TG: variants seen among roughly 807,000 people sequenced by gnomAD.
TG encodes the protein thyroid hormones.
In TG, 270 loss-of-function variants were observed where a neutral mutation model predicts 324.7. The observed-to-expected ratio is 0.83, with a 90% CI of 0.75 to 0.92. TG has a LOEUF of 0.92. Ranked by LOEUF, TG falls within the 40% of genes least tolerant of loss-of-function variation. The pLI, the probability that TG is intolerant of heterozygous loss-of-function variation, is 0.00. For synonymous variants in TG, 1,401 were observed against 1,327.0 expected (o/e 1.06, Z -1.21); for missense variants, 3,591 against 3,456.4 (o/e 1.04, Z -0.98).
intron 31 of TG, 28 bp downstream of exon 31, chr8:132,967,998 C>T (rs1429928703): frequency 6.2e-7 from 1 of 1,610,760 alleles, no homozygotes; most frequent in Non-Finnish European, 8.5e-7. Flanking sequence ...TCTGCATAAA[C>T]TGTATTTCCA....
chr8:133,039,164 C>G (rs1402314690), intron 41 of TG, among the ~76,000 whole-genome samples: 1 of 152,218 alleles, frequency 6.6e-6, no homozygotes, highest in Admixed American at 6.5e-5. Context: ...CAGGCGTGAG[C>G]CACCGCGCCT....
At chr8:132,968,197 C>A (rs2130475603) in intron 31 of TG, among the ~76,000 whole-genome samples, 1 of 152,164 alleles carries the variant, frequency 6.6e-6, no homozygotes, top group Middle Eastern at 3.4e-3. Flanking sequence ...TATTTGGGGG[C>A]AGTATTTCAA....
intron 7 of TG, 38 bp from the exon 8 acceptor site, chr8:132,882,776 G>C (rs1563902688): frequency 1.2e-6 from 2 of 1,613,822 alleles, no homozygotes. Flanking sequence ...ACCAAGCATT[G>C]TTGACACTGT....
intron 29 of TG, among the ~76,000 whole-genome samples, chr8:132,966,333 T>C (rs968252928): frequency 2.0e-5 from 3 of 152,172 alleles, no homozygotes; most frequent in Admixed American, 6.5e-5. Flanking sequence ...TTTTTAGGAC[T>C]TCCTGGGGCC....
At position 132,898,261 on chromosome 8, in the gene TG, C is replaced by T; in HGVS notation, c.3217+15C>T. The T allele has an allele frequency of 6.3e-7, 1 of 1,578,542 alleles. No homozygotes were observed. The highest frequency in any genetic ancestry group is 1.8e-5 in the Admixed American group (1 of 55,360). ...GATTCCACAGTGTAAGTGAAGACTG[C>T]AGAGTTCTCCTCCTGACCCCCCTTG... is the stretch of plus-strand genomic sequence containing the variant. On this transcript the variant is annotated intron_variant, in intron 13 of 47. Coordinates refer to ENST00000220616, the MANE Select transcript of TG (RefSeq NM_003235.5).
At chr8:133,062,714 C>A (rs573398200) in intron 41 of TG, among the ~76,000 whole-genome samples, 1 of 152,012 alleles carries the variant, frequency 6.6e-6, no homozygotes, top group Non-Finnish European at 1.5e-5. Flanking sequence ...CACAGGGTGT[C>A]GTACACAGGC....
At chr8:133,071,464 CTT>C (rs1844018907) in intron 41 of TG, among the ~76,000 whole-genome samples, 1 of 152,260 alleles carries the variant, frequency 6.6e-6, no homozygotes, top group Non-Finnish European at 1.5e-5. Context: ...TTATGGTACT[CTT>C]TTGTGTGCTA....
At chr8:132,978,744 G>A (rs1564030217) in intron 34 of TG, among the ~76,000 whole-genome samples, 1 of 152,192 alleles carries the variant, frequency 6.6e-6, no homozygotes, top group African/African-American at 2.4e-5. Context: ...AGGTAGAGAG[G>A]AGGTAGCATG....
intron 26 of TG, among the ~76,000 whole-genome samples, chr8:132,947,754 C>T (rs1293771456): frequency 1.3e-5 from 2 of 151,992 alleles, no homozygotes; most frequent in Admixed American, 1.3e-4. Flanking sequence ...AATTAACTTA[C>T]ATGAGACTCA....
Position 133,105,734 on chromosome 8 carries a change from TG to T in TG, c.7573-7685del, listed in dbSNP as rs550777303. Among the ~76,000 whole-genome samples, 109 of 152,032 alleles carry T rather than the reference TG, an allele frequency of 7.2e-4. 1 individual carries two copies. Among genetic ancestry groups the T allele is most frequent in the South Asian group, 3.3e-3 (16 of 4,804 alleles). The stretch of plus-strand genomic sequence containing the variant: ...ACCCCACAAGCATTCGTGGACAGAA[TG>T]GGAGGAAAAGGGGACAGGGTGGCAG... On this transcript the variant is annotated intron_variant, in intron 43 of 47. Coordinates refer to ENST00000220616, the MANE Select transcript of TG (RefSeq NM_003235.5).
chr8:132,966,621 A>ATCACTATCC lies in TG; in HGVS notation c.5611_5619dup (p.Leu1872_Ser1874dup). 3 of 1,614,086 alleles carry ATCACTATCC rather than the reference A, an allele frequency of 1.9e-6. No individual in the cohort carries two copies. The South Asian group carries it at 3.3e-5, about 18-fold the overall frequency. On this transcript the variant is annotated inframe_insertion, in exon 30 of 48. Coordinates refer to ENST00000220616, the MANE Select transcript of TG (RefSeq NM_003235.5). ...ACCAGGTCATTGTCAATGGAAATCAATCACTATCCAGCCAGAAGCACTGGC... is the reference window on the plus strand; with the variant it reads ...ACCAGGTCATTGTCAATGGAAATCAATCACTATCCTCACTATCCAGCCAGAAGCACTGGC...
At chr8:133,015,991 C>T (rs1834993308) in intron 37 of TG, among the ~76,000 whole-genome samples, 1 of 151,772 alleles carries the variant, frequency 6.6e-6, no homozygotes, top group Non-Finnish European at 1.5e-5. Context: ...TTTCCTTCCA[C>T]TCATTCATTC....
intron 37 of TG, among the ~76,000 whole-genome samples, chr8:133,015,856 T>C (rs1318586201): frequency 1.3e-5 from 2 of 152,226 alleles, no homozygotes; most frequent in Non-Finnish European, 2.9e-5. Flanking sequence ...AGCCTGAGTT[T>C]CCATTTTGAG....
intron 35 of TG, among the ~76,000 whole-genome samples, chr8:132,994,009 G>A (rs150816871): frequency 7.9e-5 from 12 of 152,284 alleles, no homozygotes; most frequent in Middle Eastern, 3.4e-3. Context: ...GGGAGCTGGC[G>A]TTTGGTACTG....
chr8:132,974,728 A>G (rs1829984765), intron 34 of TG, among the ~76,000 whole-genome samples: 1 of 152,220 alleles, frequency 6.6e-6, no homozygotes, highest in Non-Finnish European at 1.5e-5. Flanking sequence ...CTGATAAACT[A>G]ACAAATCAAA....
intron 26 of TG, among the ~76,000 whole-genome samples, chr8:132,947,573 A>G (rs1825499935): frequency 6.6e-6 from 1 of 152,206 alleles, no homozygotes; most frequent in Admixed American, 6.5e-5. Flanking sequence ...CTAGATCCAG[A>G]TTGGACATAA....
chr8:133,022,042 G>A lies in TG; in HGVS notation c.6928G>A (p.Glu2310Lys). 2 of 1,614,178 alleles carry A rather than the reference G, an allele frequency of 1.2e-6. No individual in the cohort carries two copies. The highest frequency in any genetic ancestry group is 4.5e-5 in the East Asian group (2 of 44,872). Residue 2310 changes from glutamate to lysine, a missense_variant, in exon 40 of 48, where the codon GAG becomes AAG. Physicochemically the swap from Glu to Lys is moderately conservative, Grantham distance 56 (BLOSUM62 1). Transcript: ENST00000220616. Reference sequence around the variant, plus strand: ...CTTCCACAACACCATGGACAGGGAGGAGAGTGAAGGATGGCCGGCTATCGA... The same window carrying A: ...CTTCCACAACACCATGGACAGGGAGAAGAGTGAAGGATGGCCGGCTATCGA... ...VFFHNTMDRE[E>K]SEGWPAIDGS...
intron 37 of TG, among the ~76,000 whole-genome samples, chr8:133,016,122 G>A (rs963265459): frequency 1.3e-5 from 2 of 152,150 alleles, no homozygotes; most frequent in Non-Finnish European, 2.9e-5. Flanking sequence ...CAGAAAGACT[G>A]TAAAGTTTTT....
intron 34 of TG, among the ~76,000 whole-genome samples, chr8:132,975,055 T>C (rs1291694787): frequency 6.6e-6 from 1 of 152,234 alleles, no homozygotes; most frequent in Non-Finnish European, 1.5e-5. Flanking sequence ...TGGGTTTCTA[T>C]TAAAGGAATA....
Sources: gnomAD v4.1 joint callset for allele counts (sites outside exome capture counted in the v4.1 genomes callset) on GRCh38, gnomAD v4.1.1 for gene constraint, MANE v1.5 for transcripts, NCBI Gene and HGNC (gene_info 2026-07-23, HGNC 2026-07-21) for gene names.